The following INPP5A variants were observed in gnomAD, a reference collection of about 807,000 sequenced individuals.
The protein encoded by INPP5A is inositol polyphosphate-5-phosphatase A.
Under a neutral mutation model 65.2 loss-of-function variants are expected in INPP5A, and 14 were observed. That is an observed-to-expected ratio of 0.21 (90% CI 0.14 to 0.34). INPP5A has a LOEUF of 0.34. INPP5A is among the 10% of genes least tolerant of loss of function. The pLI is 1.00. For synonymous variants in INPP5A, 207 were observed against 208.3 expected (o/e 0.99, Z 0.05); for missense variants, 431 against 545.6 (o/e 0.79, Z 2.09).
rs561290378 is a variant in INPP5A, at chr10:132,629,022, G to T, written c.118-16846G>T. On this transcript the variant is annotated intron_variant, in intron 2 of 15. Transcript: ENST00000368594. ...AACCGGGTGTGTTTGACCCTGAGCC[G>T]TGGCCGCACAGATGGCAGGAGCGAG... Among the ~76,000 whole-genome samples, 77 of 152,306 alleles carry T rather than the reference G, an allele frequency of 5.1e-4. 1 individual carries two copies. Among genetic ancestry groups the T allele is most frequent in the South Asian group, 1.4e-3 (7 of 4,830 alleles).
At chr10:132,634,230 G>C (rs538455579) in intron 2 of INPP5A, among the ~76,000 whole-genome samples, 1 of 151,740 alleles carries the variant, frequency 6.6e-6, no homozygotes, top group Non-Finnish European at 1.5e-5. Flanking sequence ...CTCCCTTGGC[G>C]GGTGTGCCCC....
intron 6 of INPP5A, among the ~76,000 whole-genome samples, chr10:132,699,362 T>TCG (rs1564970542): frequency 1.0e-5 from 1 of 98,892 alleles, no homozygotes; most frequent in African/African-American, 4.8e-5. Flanking sequence ...GGTGCTGGGG[T>TCG]GGGGGGGGGC....
At chr10:132,608,057 A>G in intron 2 of INPP5A, 101 bp downstream of exon 2, 1 of 1,061,128 alleles carries the variant, frequency 9.4e-7, no homozygotes, top group Non-Finnish European at 1.4e-6. Context: ...GTCTATGGGG[A>G]GCGCAGGCCT....
chr10:132,712,599 C>T (rs2767458), intron 8 of INPP5A, among the ~76,000 whole-genome samples: 13,964 of 132,972 alleles, frequency 0.11, 750 homozygotes, highest in African/African-American at 0.15. Flanking sequence ...TGTATGTGTG[C>T]GCGGGTGTGT....
rs2133451068 is a variant in INPP5A, at chr10:132,678,816, A to G, written c.307-11576A>G. On this transcript the variant is annotated intron_variant, in intron 4 of 15. Coordinates refer to ENST00000368594, the MANE Select transcript of INPP5A (RefSeq NM_005539.5). This position sits in a 1 kb window ranked among gnomAD's most constrained non-coding sequence, Gnocchi z 4.1. ...GCCAAGCCTCTGCCCAGAGTAGCCA[A>G]TCAAGAGGGCTGCTTGGAGGAGGCT... Among the ~76,000 whole-genome samples, 1 of 152,348 alleles carries G rather than the reference A, an allele frequency of 6.6e-6. No individual in the cohort carries two copies. The highest frequency in any genetic ancestry group is 3.4e-3 in the Middle Eastern group (1 of 294).
chr10:132,611,719 A>G (rs926721411), intron 2 of INPP5A, among the ~76,000 whole-genome samples: 57 of 18,362 alleles, frequency 3.1e-3, no homozygotes, highest in Admixed American at 6.2e-3. Context: ...GGCCCTGTCC[A>G]GGGAGGGTGA....
intron 4 of INPP5A, among the ~76,000 whole-genome samples, chr10:132,684,508 C>T (rs2073091249): frequency 6.6e-6 from 1 of 152,210 alleles, no homozygotes; most frequent in Admixed American, 6.5e-5. Context: ...AGGAGTTTCT[C>T]TTGGGTGCAA....
At chr10:132,589,600 G>A (rs1045810126) in intron 1 of INPP5A, among the ~76,000 whole-genome samples, 2 of 152,254 alleles carry the variant, frequency 1.3e-5, no homozygotes, top group Admixed American at 1.3e-4. Flanking sequence ...TCTTGCCGGT[G>A]TGCACTGCAC....
chr10:132,563,063 C>T (rs2071225934), intron 1 of INPP5A, among the ~76,000 whole-genome samples: 1 of 152,186 alleles, frequency 6.6e-6, no homozygotes, highest in African/African-American at 2.4e-5. Context: ...AGGTGCCATG[C>T]CCCCGCCCAG....
chr10:132,771,456 C>A (rs1238950366), intron 12 of INPP5A, among the ~76,000 whole-genome samples: 1 of 152,256 alleles, frequency 6.6e-6, no homozygotes, highest in Non-Finnish European at 1.5e-5. Context: ...CCGTGCAATG[C>A]CAGCTCCATG....
intron 1 of INPP5A, among the ~76,000 whole-genome samples, chr10:132,588,705 A>G (rs2071578341): frequency 6.6e-6 from 1 of 152,134 alleles, no homozygotes; most frequent in Admixed American, 6.5e-5. Flanking sequence ...TTGTATTTGA[A>G]AGTTTTAAGG....
At chr10:132,648,818 C>T (rs551639304) in intron 3 of INPP5A, among the ~76,000 whole-genome samples, 25 of 152,332 alleles carry the variant, frequency 1.6e-4, no homozygotes, top group Admixed American at 7.2e-4. Flanking sequence ...AGCTGGTTTG[C>T]AGCAACCTGA....
At chr10:132,641,872 T>C (rs975076520) in intron 2 of INPP5A, among the ~76,000 whole-genome samples, 2 of 152,260 alleles carry the variant, frequency 1.3e-5, no homozygotes, top group African/African-American at 4.8e-5. Context: ...AACCCCGGGC[T>C]TCTCCTGATG....
At chr10:132,634,187 GT>G (rs1336335893) in intron 2 of INPP5A, among the ~76,000 whole-genome samples, 1 of 152,250 alleles carries the variant, frequency 6.6e-6, no homozygotes, top group East Asian at 1.9e-4. Context: ...GATGGAAATT[GT>G]TTTGTAGCTT....
At chr10:132,673,923 G>A (rs2072928230) in intron 4 of INPP5A, among the ~76,000 whole-genome samples, 2 of 152,212 alleles carry the variant, frequency 1.3e-5, no homozygotes, top group South Asian at 2.1e-4. Context: ...AGCAGTGGCC[G>A]TAGCCAGATC....
intron 11 of INPP5A, among the ~76,000 whole-genome samples, chr10:132,756,448 C>T (rs910418067): frequency 2.0e-5 from 3 of 147,750 alleles, no homozygotes; most frequent in Non-Finnish European, 4.6e-5. Context: ...CACATAATGT[C>T]GTTTCAGTCA....
intron 12 of INPP5A, among the ~76,000 whole-genome samples, chr10:132,767,675 A>G (rs12784318): frequency 6.6e-6 from 1 of 152,164 alleles, no homozygotes; most frequent in East Asian, 1.9e-4. Flanking sequence ...GGGCCCCCAG[A>G]GAGCCCCTCG....
chr10:132,671,898 T>C (rs1398417033), intron 4 of INPP5A, among the ~76,000 whole-genome samples: 1 of 152,178 alleles, frequency 6.6e-6, no homozygotes, highest in Non-Finnish European at 1.5e-5. Flanking sequence ...CCTGCTCTGC[T>C]CTCAGAAGGG....
At chr10:132,625,280 T>C (rs2072168332) in intron 2 of INPP5A, among the ~76,000 whole-genome samples, 1 of 151,444 alleles carries the variant, frequency 6.6e-6, no homozygotes, top group Admixed American at 6.6e-5. Flanking sequence ...ACTCCGCTCC[T>C]GTCATCCCAC....
Sources: gnomAD v4.1 joint callset for allele counts (sites outside exome capture counted in the v4.1 genomes callset) on GRCh38, gnomAD v4.1.1 for gene constraint, Gnocchi (gnomAD v3.1) non-coding constraint, MANE v1.5 for transcripts, NCBI Gene and HGNC (gene_info 2026-07-23, HGNC 2026-07-21) for gene names.